Variants in HECW1 observed in about 807,000 individuals in gnomAD.
The protein encoded by HECW1 is E3 ubiquitin-protein ligase HECW1.
A neutral mutation model predicts 182.3 loss-of-function variants in HECW1; 61 were observed. That is an observed-to-expected ratio of 0.33 (90% CI 0.27 to 0.41). The LOEUF (loss-of-function observed/expected upper bound fraction) is 0.41. Among genes scored for constraint, HECW1 ranks in the 10% least tolerant of loss-of-function variants. The probability of loss-of-function intolerance (pLI) is 1.00; values close to 1 mark genes in which losing one functional copy is unlikely to be tolerated. For missense variants in HECW1, 1,739 were observed against 2,108.9 expected (o/e 0.82, Z 3.44); for synonymous variants, 859 against 832.6 (o/e 1.03, Z -0.55).
At chr7:43,495,246 A>G (rs952763169) in intron 19 of HECW1, among the ~76,000 whole-genome samples, 4 of 152,014 alleles carry the variant, frequency 2.6e-5, no homozygotes, top group African/African-American at 9.7e-5. Context: ...TATTTCTCCT[A>G]ATGCTATCCC....
intron 2 of HECW1, among the ~76,000 whole-genome samples, chr7:43,218,997 C>T (rs576052921): frequency 2.6e-5 from 4 of 152,168 alleles, no homozygotes; most frequent in African/African-American, 9.7e-5. Flanking sequence ...GGTATATAAA[C>T]AGGCTGGAGG....
intron 2 of HECW1, among the ~76,000 whole-genome samples, chr7:43,219,639 T>TAGAACAGAAC (rs563382870): frequency 1.9e-4 from 29 of 150,902 alleles, no homozygotes; most frequent in East Asian, 1.4e-3. Context: ...ATAATTAGAA[T>TAGAACAGAAC]AGAACAGAAC....
At chr7:43,484,918 C>G (rs1047737089) in intron 17 of HECW1, among the ~76,000 whole-genome samples, 1 of 152,198 alleles carries the variant, frequency 6.6e-6, no homozygotes, top group Non-Finnish European at 1.5e-5. Context: ...GCTATGAATA[C>G]TGGATCCCAT....
intron 13 of HECW1, among the ~76,000 whole-genome samples, chr7:43,459,456 T>C (rs1367907705): frequency 6.6e-6 from 1 of 152,196 alleles, no homozygotes; most frequent in Non-Finnish European, 1.5e-5. Context: ...TATTTTTTAA[T>C]TATTTGTATA....
At chr7:43,496,454 G>C (rs116911703) in intron 19 of HECW1, among the ~76,000 whole-genome samples, 1 of 152,094 alleles carries the variant, frequency 6.6e-6, no homozygotes, top group South Asian at 2.1e-4. Context: ...GCAAGAACTT[G>C]TTCTTCAGGA....
intron 9 of HECW1, among the ~76,000 whole-genome samples, chr7:43,440,867 A>G (rs1414569995): frequency 1.0e-5 from 1 of 99,314 alleles, no homozygotes; most frequent in South Asian, 3.9e-4. Flanking sequence ...ATGGCTTATC[A>G]AAGAACAATT....
intron 4 of HECW1, among the ~76,000 whole-genome samples, chr7:43,319,775 A>ATT (rs10604163): frequency 2.8e-5 from 3 of 105,532 alleles, no homozygotes; most frequent in Non-Finnish European, 3.4e-5. Context: ...AATTTTTGTA[A>ATT]TTTTTTTTTT....
intron 3 of HECW1, among the ~76,000 whole-genome samples, chr7:43,287,532 C>T (rs1195723491): frequency 6.6e-6 from 1 of 152,180 alleles, no homozygotes; most frequent in East Asian, 1.9e-4. Context: ...GAGACAGGGT[C>T]TCACTATATT....
chr7:43,555,811 C>G lies in HECW1; in HGVS notation c.4709+1021C>G, dbSNP rs1220995003. Among the ~76,000 whole-genome samples, 5 of 152,286 alleles carry G rather than the reference C, an allele frequency of 3.3e-5. 1 individual carries two copies. Among genetic ancestry groups the G allele is most frequent in the Middle Eastern group, 3.4e-3 (1 of 294 alleles). The stretch of plus-strand genomic sequence containing the variant: ...TCAGCAGACCCTCAGTTCCAAGGGT[C>G]TTTGTTGTTTGCATGGCTCTACCAA... On this transcript the variant is annotated intron_variant, in intron 29 of 29. Coordinates refer to ENST00000395891, the MANE Select transcript of HECW1 (RefSeq NM_015052.5).
intron 2 of HECW1, among the ~76,000 whole-genome samples, chr7:43,115,246 C>T (rs1457348617): frequency 6.6e-6 from 1 of 151,604 alleles, no homozygotes; most frequent in African/African-American, 2.4e-5. Context: ...CTTTTAAAAC[C>T]CAAGCGTCTG....
intron 29 of HECW1, among the ~76,000 whole-genome samples, chr7:43,559,076 A>G (rs2082125671): frequency 6.6e-6 from 1 of 152,228 alleles, no homozygotes; most frequent in South Asian, 2.1e-4. Context: ...AGACAACCTT[A>G]AAGTGGTCTC....
intron 19 of HECW1, among the ~76,000 whole-genome samples, chr7:43,498,975 A>AT (rs917489831): frequency 4.4e-4 from 67 of 150,958 alleles, no homozygotes; most frequent in East Asian, 1.4e-3. Context: ...TGGAAAATAG[A>AT]TTTTTTTTTT....
intron 5 of HECW1, among the ~76,000 whole-genome samples, chr7:43,326,834 T>C (rs1810855095): frequency 6.6e-6 from 1 of 152,178 alleles, no homozygotes; most frequent in South Asian, 2.1e-4. Context: ...CCGGTGGCCT[T>C]CTCTCCCTTG....
At chr7:43,399,250 G>A (rs977166126) in intron 7 of HECW1, among the ~76,000 whole-genome samples, 4 of 152,156 alleles carry the variant, frequency 2.6e-5, no homozygotes, top group East Asian at 1.9e-4. Context: ...AGTTAGTTGC[G>A]CCTGTTCCCA....
intron 11 of HECW1, among the ~76,000 whole-genome samples, chr7:43,446,652 G>A (rs77317678): frequency 0.011 from 1,624 of 151,938 alleles, 34 homozygotes; most frequent in African/African-American, 0.037. Context: ...GCTAAAGTGA[G>A]CATTAAAAAA....
chr7:43,233,952 G>T (rs1798088133), intron 2 of HECW1, among the ~76,000 whole-genome samples: 1 of 152,228 alleles, frequency 6.6e-6, no homozygotes, highest in South Asian at 2.1e-4. Context: ...TCTGGTACGG[G>T]AAAGATAAGA....
At chr7:43,448,017 C>T (rs1305190858) in intron 11 of HECW1, among the ~76,000 whole-genome samples, 1 of 151,982 alleles carries the variant, frequency 6.6e-6, no homozygotes, top group African/African-American at 2.4e-5. Context: ...CACCTGTAAT[C>T]TCAGCTACTT....
At chr7:43,483,446 C>T (rs751746327) in intron 17 of HECW1, among the ~76,000 whole-genome samples, 5 of 151,806 alleles carry the variant, frequency 3.3e-5, no homozygotes, top group Non-Finnish European at 7.4e-5. Context: ...CAGTGAAGAA[C>T]CATTATTTTA....
At chr7:43,155,337 G>A (rs910817124) in intron 2 of HECW1, among the ~76,000 whole-genome samples, 2 of 152,026 alleles carry the variant, frequency 1.3e-5, no homozygotes, top group Non-Finnish European at 2.9e-5. Context: ...ATACCAAGAG[G>A]GCTAGAATAC....
Sources: gnomAD v4.1 joint callset for allele counts (sites outside exome capture counted in the v4.1 genomes callset) on GRCh38, gnomAD v4.1.1 for gene constraint, MANE v1.5 for transcripts, NCBI Gene and HGNC (gene_info 2026-07-23, HGNC 2026-07-21) for gene names.